Variants in RBPJ observed in about 807,000 individuals in gnomAD.
The protein encoded by RBPJ is recombination signal binding protein for immunoglobulin kappa J region, also known as recombining binding protein suppressor of hairless.
In RBPJ, 9 loss-of-function variants were observed where a neutral mutation model predicts 67.8. The observed-to-expected ratio is 0.13, with a 90% CI of 0.08 to 0.23. The LOEUF (loss-of-function observed/expected upper bound fraction) is 0.23. RBPJ is among the 10% of genes least tolerant of loss of function. RBPJ has a pLI of 1.00. For synonymous variants in RBPJ, 198 were observed against 203.3 expected (o/e 0.97, Z 0.22); for missense variants, 305 against 595.6 (o/e 0.51, Z 5.08).
intron 3 of RBPJ, among the ~76,000 whole-genome samples, chr4:26,411,446 G>A (rs560588314): frequency 3.1e-4 from 47 of 151,668 alleles, no homozygotes; most frequent in African/African-American, 9.2e-4. Flanking sequence ...TTTGTTTGCC[G>A]TATTTTAGGG....
chr4:26,254,983 T>C (rs1019977199), intron 1 of RBPJ, among the ~76,000 whole-genome samples: 2 of 138,660 alleles, frequency 1.4e-5, no homozygotes, highest in Non-Finnish European at 3.0e-5. Flanking sequence ...ATTACAGGCA[T>C]GAACCACCGC....
chr4:26,175,236 C>T (rs184935598), intron 1 of RBPJ, among the ~76,000 whole-genome samples: 8 of 152,300 alleles, frequency 5.3e-5, no homozygotes, highest in East Asian at 1.9e-4. Context: ...CTGAGCTCCC[C>T]GCCTGGAATT....
At chr4:26,206,384 T>A (rs541172652) in intron 1 of RBPJ, among the ~76,000 whole-genome samples, 1 of 152,312 alleles carries the variant, frequency 6.6e-6, no homozygotes, top group South Asian at 2.1e-4. Flanking sequence ...TAGATCCAGA[T>A]TTATTCCTCC....
chr4:26,328,003 A>G (rs1390108245), intron 1 of RBPJ, among the ~76,000 whole-genome samples: 1 of 152,204 alleles, frequency 6.6e-6, no homozygotes, highest in African/African-American at 2.4e-5. Flanking sequence ...TCCAGTACAA[A>G]CTAGCTTTAG....
intron 1 of RBPJ, among the ~76,000 whole-genome samples, chr4:26,199,354 G>C (rs915971025): frequency 3.3e-5 from 5 of 152,212 alleles, no homozygotes; most frequent in Non-Finnish European, 7.3e-5. Flanking sequence ...TGAGGCACTT[G>C]AACCCGGGAG....
At chr4:26,297,899 A>C (rs904610707) in intron 1 of RBPJ, among the ~76,000 whole-genome samples, 2 of 151,966 alleles carry the variant, frequency 1.3e-5, no homozygotes, top group Non-Finnish European at 2.9e-5. Flanking sequence ...GAGCTTTCTA[A>C]TGTTGCCTTA....
rs143136204 is a variant in RBPJ at position 26,211,637 on chromosome 4, C to T, written c.-167+48023C>T. Among the ~76,000 whole-genome samples the T allele has an allele frequency of 7.2e-5, 11 of 152,236 alleles. No homozygotes were observed. The East Asian group carries it at 9.6e-4, about 13-fold the overall frequency. ...ACCATCCTTAGTGCAGTGGATACAG[C>T]GGTGGGAACATGAGGGACAACATGT... On this transcript the variant is annotated intron_variant, in intron 1 of 4. Coordinates refer to the RBPJ transcript ENST00000512351.
At chr4:26,197,486 G>A (rs1717811310) in intron 1 of RBPJ, among the ~76,000 whole-genome samples, 1 of 152,130 alleles carries the variant, frequency 6.6e-6, no homozygotes, top group Admixed American at 6.6e-5. Context: ...GAGTCATTTG[G>A]CTCAAGAGAA....
the RBPJ span, among the ~76,000 whole-genome samples, chr4:26,157,112 C>CA: frequency 3.5e-5 from 4 of 113,280 alleles, no homozygotes; most frequent in African/African-American, 6.3e-5. Context: ...AACAAACAAA[C>CA]AAACAAAAAA....
intron 1 of RBPJ, among the ~76,000 whole-genome samples, chr4:26,223,487 A>G (rs1171942124): frequency 6.6e-6 from 1 of 152,214 alleles, no homozygotes; most frequent in Non-Finnish European, 1.5e-5. Context: ...TGAAAAGTAA[A>G]AAGTAGAAGT....
At chr4:26,372,339 T>G (rs1729239677) in intron 1 of RBPJ, among the ~76,000 whole-genome samples, 1 of 152,220 alleles carries the variant, frequency 6.6e-6, no homozygotes, top group South Asian at 2.1e-4. Context: ...AACATGCCTG[T>G]GCAGAAGTTG....
Position 26,428,924 on chromosome 4 carries a change from AATATGAAATTTTC to A in RBPJ, c.888+67_888+79del, listed in dbSNP as rs1263766885. ...AACTGTGAGGTTAGCAGCTTGCAAA[AATATGAAATTTTC>A]ATTTGCTGTTAATTATATACAAATA... On this transcript the variant is annotated intron_variant, in intron 8 of 10. Transcript: ENST00000355476. The A allele has an allele frequency of 5.4e-6, 7 of 1,300,728 alleles. No individual in the cohort carries two copies. The Admixed American group carries it at 7.9e-5, about 15-fold the overall frequency. 80.6% of individuals were successfully genotyped at this position (1,300,728 alleles called of 1,614,324 possible).
At chr4:26,219,494 T>C (rs971105062) in intron 1 of RBPJ, among the ~76,000 whole-genome samples, 2 of 152,208 alleles carry the variant, frequency 1.3e-5, no homozygotes, top group African/African-American at 2.4e-5. Context: ...TGTAGCTGAC[T>C]AGCTGCTTCT....
Position 26,321,020 on chromosome 4 carries a change from T to C in RBPJ, c.-9T>C, listed in dbSNP as rs749947246. Reference sequence around the variant, plus strand: ...CGAGGGTTGGAGTTTTGGCGAGAGTTTGTGGAAGATGGCGCCTGTTGTGAC... The same window carrying C: ...CGAGGGTTGGAGTTTTGGCGAGAGTCTGTGGAAGATGGCGCCTGTTGTGAC... On this transcript the variant is annotated 5_prime_UTR_variant, in exon 1 of 11. Coordinates refer to ENST00000355476, the MANE Select transcript of RBPJ (RefSeq NM_015874.6). 1.2e-6 allele frequency: 2 copies of C among 1,613,044 alleles called. No homozygotes were observed. Among genetic ancestry groups the C allele is most frequent in the Non-Finnish European group, 1.7e-6 (2 of 1,179,492 alleles).
At position 26,433,941 on chromosome 4, in the gene RBPJ, AT is replaced by A. The variant is rs1375631351; in HGVS notation, c.*2936del. 1.3e-5 allele frequency: 2 copies of A among 152,354 alleles called. No homozygotes were observed. Among genetic ancestry groups the A allele is most frequent in the South Asian group, 2.1e-4 (1 of 4,826 alleles). 9.4% of individuals were successfully genotyped at this position (152,354 alleles called of 1,614,324 possible). On this transcript the variant is annotated 3_prime_UTR_variant, in exon 11 of 11. Coordinates refer to ENST00000355476, the MANE Select transcript of RBPJ (RefSeq NM_015874.6). Reference sequence around the variant, plus strand: ...TATAGTATGTTTGAATTTTTAAAAAATTCTGTTTTAGAAATGTATCTTATGC... The same window carrying A: ...TATAGTATGTTTGAATTTTTAAAAAATCTGTTTTAGAAATGTATCTTATGC...
intron 2 of RBPJ, among the ~76,000 whole-genome samples, chr4:26,390,031 T>C (rs972518931): frequency 6.6e-6 from 1 of 152,202 alleles, no homozygotes; most frequent in Non-Finnish European, 1.5e-5. Flanking sequence ...AACATAGTTA[T>C]AAAAAGTCTT....
At chr4:26,222,949 T>G (rs1577489794) in intron 1 of RBPJ, among the ~76,000 whole-genome samples, 1 of 151,620 alleles carries the variant, frequency 6.6e-6, no homozygotes, top group South Asian at 2.1e-4. Context: ...AGGTCAGAAG[T>G]TCAAGACCAG....
chr4:26,217,716 G>T (rs1421990362), intron 1 of RBPJ, among the ~76,000 whole-genome samples: 1 of 152,122 alleles, frequency 6.6e-6, no homozygotes, highest in Non-Finnish European at 1.5e-5. Flanking sequence ...CAACAAAAAT[G>T]CAAACCGAGT....
chr4:26,401,005 T>C (rs1732724701), intron 2 of RBPJ, among the ~76,000 whole-genome samples: 1 of 152,256 alleles, frequency 6.6e-6, no homozygotes, highest in Admixed American at 6.5e-5. Context: ...CTAGGTCATT[T>C]TCAAGTTTGC....
Sources: allele counts gnomAD v4.1 joint callset (sites outside exome capture counted in the v4.1 genomes callset), GRCh38; gene constraint gnomAD v4.1.1; transcripts MANE v1.5; gene names NCBI Gene and HGNC (gene_info 2026-07-23, HGNC 2026-07-21).